Variants in CALD1 observed in about 807,000 individuals in gnomAD.
CALD1 encodes caldesmon 1, also known as caldesmon.
Under a neutral mutation model 99.9 loss-of-function variants are expected in CALD1, and 33 were observed. The observed-to-expected ratio is 0.33, with a 90% confidence interval of 0.25 to 0.44. The LOEUF is 0.44. Ranked by LOEUF, CALD1 falls within the 20% of genes least tolerant of loss-of-function variation. The pLI is 1.00. For missense variants in CALD1, 861 were observed against 962.1 expected, an observed-to-expected ratio of 0.89 and a Z score of 1.39; for synonymous variants, 310 against 325.0, an observed-to-expected ratio of 0.95 and a Z score of 0.50.
At chr7:134,882,479 C>A (rs1005761723) in intron 3 of CALD1, among the ~76,000 whole-genome samples, 2 of 152,148 alleles carry the variant, frequency 1.3e-5, no homozygotes, top group Non-Finnish European at 2.9e-5. Flanking sequence ...CCTATTTACT[C>A]CGGTACTCAA....
intron 7 of CALD1, 124 bp from the exon 8 acceptor site, chr7:134,947,384 T>A: frequency 1.0e-6 from 1 of 980,688 alleles, no homozygotes; most frequent in Non-Finnish European, 1.5e-6. Context: ...GCCTACCCCC[T>A]GGGCTAATGA....
At chr7:134,732,081 C>A in the CALD1 span, among the ~76,000 whole-genome samples, 1 of 152,080 alleles carries the variant, frequency 6.6e-6, no homozygotes, top group South Asian at 2.1e-4. Context: ...TTGTTGTTTT[C>A]TTTTTATTTC....
chr7:134,918,413 A>G (rs1804370449), intron 3 of CALD1, among the ~76,000 whole-genome samples: 1 of 152,256 alleles, frequency 6.6e-6, no homozygotes, highest in Non-Finnish European at 1.5e-5. Flanking sequence ...TCTCAAAAAC[A>G]TCATGTCAAA....
intron 3 of CALD1, among the ~76,000 whole-genome samples, chr7:134,895,438 A>G (rs1340200823): frequency 1.3e-5 from 2 of 152,048 alleles, no homozygotes; most frequent in East Asian, 1.9e-4. Context: ...TTATGAACAT[A>G]GTTTTTTAAT....
chr7:134,857,420 G>T (rs1381702519), intron 2 of CALD1, among the ~76,000 whole-genome samples: 1 of 151,782 alleles, frequency 6.6e-6, no homozygotes, highest in East Asian at 1.9e-4. Context: ...GCCTCCCAAA[G>T]TGCTGGGATT....
the CALD1 span, among the ~76,000 whole-genome samples, chr7:134,722,642 G>A: frequency 2.4e-4 from 37 of 151,944 alleles, no homozygotes; most frequent in Non-Finnish European, 5.0e-4. Context: ...GGCTGGTCTC[G>A]AACTCCTGAC....
intron 14 of CALD1, among the ~76,000 whole-genome samples, chr7:134,965,946 T>G (rs1333532766): frequency 6.6e-6 from 1 of 152,078 alleles, no homozygotes; most frequent in African/African-American, 2.4e-5. Flanking sequence ...GGTCAAAGGA[T>G]ATGGTCATTC....
intron 13 of CALD1, 176 bp downstream of exon 13, chr7:134,960,804 C>A: frequency 1.8e-6 from 1 of 545,482 alleles, no homozygotes. Flanking sequence ...AGCTGCATCT[C>A]AGTTACTCAG....
At chr7:134,913,808 C>T (rs1053156843) in intron 3 of CALD1, among the ~76,000 whole-genome samples, 1 of 152,168 alleles carries the variant, frequency 6.6e-6, no homozygotes, top group Non-Finnish European at 1.5e-5. Context: ...TGGTTGTATT[C>T]CTATAAAACT....
chr7:134,728,845 CTTTTTTT>C, the CALD1 span, among the ~76,000 whole-genome samples: 499 of 124,222 alleles, frequency 4.0e-3, 4 homozygotes, highest in African/African-American at 0.011. Flanking sequence ...TATACCTTTT[CTTTTTTT>C]TTTTTTTTTT....
chr7:134,950,292 C>T, intron 8 of CALD1, 82 bp from the exon 9 acceptor site: 2 of 1,402,858 alleles, frequency 1.4e-6, no homozygotes, highest in Non-Finnish European at 2.0e-6. Flanking sequence ...GCCTCTCCAA[C>T]TGTGCTCTCT....
At chr7:134,951,596 G>T (rs1563127352) in intron 9 of CALD1, among the ~76,000 whole-genome samples, 1 of 152,226 alleles carries the variant, frequency 6.6e-6, no homozygotes, top group Non-Finnish European at 1.5e-5. Flanking sequence ...ATGTGACTTG[G>T]AAAGGGTCCT....
chr7:134,790,899 G>C (rs940589000), intron 1 of CALD1, among the ~76,000 whole-genome samples: 6 of 152,190 alleles, frequency 3.9e-5, no homozygotes, highest in African/African-American at 1.4e-4. Context: ...AAAAGGCAGA[G>C]GATCAGTTCA....
chr7:134,870,394 T>C (rs1801011641), intron 3 of CALD1, among the ~76,000 whole-genome samples: 3 of 152,198 alleles, frequency 2.0e-5, no homozygotes, highest in Non-Finnish European at 4.4e-5. Flanking sequence ...GTTAGAGCCA[T>C]ACTGTCATTA....
Position 134,815,566 on chromosome 7 carries a change from T to C in CALD1, c.-129-28318T>C, listed in dbSNP as rs200363486. 2.0e-5 allele frequency among the ~76,000 whole-genome samples: 3 copies of C among 152,300 alleles called. No homozygotes were observed. In the East Asian group the frequency reaches 5.8e-4, roughly 29 times the overall value. On this transcript the variant is annotated intron_variant, in intron 1 of 14. Coordinates refer to ENST00000361675, the MANE Select transcript of CALD1 (RefSeq NM_033138.4). ...ACTGTAATGATATCATTCACCTATC[T>C]GAAGTCTCACTGTTTAGAGGGGTGA...
chr7:134,828,123 T>C (rs1335740948), intron 1 of CALD1, among the ~76,000 whole-genome samples: 2 of 152,188 alleles, frequency 1.3e-5, no homozygotes, highest in Non-Finnish European at 2.9e-5. Flanking sequence ...AGTTGTTAAG[T>C]TTGGCAATCC....
rs1028927629 is a variant in CALD1 at position 134,867,789 on chromosome 7, G to A, written c.56G>A (p.Arg19Gln). The change falls in exon 3 of 15, where the codon CGA becomes CAA. Residue 19 changes from arginine to glutamine, a missense_variant. Physicochemically the swap from Arg to Gln is conservative, Grantham distance 43. Transcript: ENST00000361675. The stretch of plus-strand genomic sequence containing the variant: ...AGAAGGCAAAAGAGGGAGGAGATGC[G>A]ACTCGAAGCAGAAAGGTAAGGATCT... ...ELRRQKREEM[R>Q]LEAERIAYQR... 44 of 1,603,682 alleles carry A rather than the reference G, an allele frequency of 2.7e-5. No individual in the cohort carries two copies. The highest frequency in any genetic ancestry group is 1.7e-4 in the Middle Eastern group (1 of 6,058).
intron 3 of CALD1, among the ~76,000 whole-genome samples, chr7:134,908,637 G>T (rs1215602245): frequency 2.6e-5 from 4 of 152,116 alleles, no homozygotes; most frequent in Non-Finnish European, 4.4e-5. Context: ...TTGATTTGGG[G>T]CATGGCCTGG....
At chr7:134,756,300 T>TA (rs1371860356) in intron 1 of CALD1, among the ~76,000 whole-genome samples, 13 of 144,784 alleles carry the variant, frequency 9.0e-5, no homozygotes, top group African/African-American at 2.8e-4. Flanking sequence ...AACTAAAAAT[T>TA]AAAAAAAACC....
Sources: allele counts gnomAD v4.1 joint callset (sites outside exome capture counted in the v4.1 genomes callset), GRCh38; gene constraint gnomAD v4.1.1; transcripts MANE v1.5; gene names NCBI Gene and HGNC (gene_info 2026-07-23, HGNC 2026-07-21).